COBLL1: variants seen among roughly 807,000 people sequenced by gnomAD.
COBLL1 encodes the protein cordon-bleu WH2 repeat protein like 1.
A neutral mutation model predicts 94.8 loss-of-function variants in COBLL1; 50 were observed. That is an observed-to-expected ratio of 0.53 (90% CI 0.42 to 0.67). The LOEUF (loss-of-function observed/expected upper bound fraction) is 0.67. Ranked by LOEUF, COBLL1 falls within the 30% of genes least tolerant of loss-of-function variation. COBLL1 has a pLI of 0.00. For missense variants in COBLL1, 1,362 were observed against 1,348.7 expected (o/e 1.01, Z -0.15); for synonymous variants, 448 against 473.8 (o/e 0.95, Z 0.71).
chr2:164,702,804 C>T (rs72876792), intron 9 of COBLL1, among the ~76,000 whole-genome samples: 2,488 of 151,840 alleles, frequency 0.016, 24 homozygotes, highest in South Asian at 0.027. Context: ...GCCACCATGC[C>T]CAGCCTCAAT....
intron 11 of COBLL1, chr2:164,697,658 A>G (rs1292829032): frequency 6.6e-6 from 1 of 152,046 alleles, no homozygotes; most frequent in Admixed American, 6.6e-5. Context: ...TAAAAACCCT[A>G]ATTTATTGGT....
chr2:164,704,173 T>C (rs907538851), intron 9 of COBLL1, among the ~76,000 whole-genome samples: 2 of 152,180 alleles, frequency 1.3e-5, no homozygotes, highest in Admixed American at 1.3e-4. Flanking sequence ...GTTAACCTGA[T>C]ACTGCATAAA....
chr2:164,664,983 A>G (rs1299476375), intron 2 of COBLL1, among the ~76,000 whole-genome samples: 2 of 152,140 alleles, frequency 1.3e-5, no homozygotes, highest in African/African-American at 4.8e-5. Context: ...ACATGAGAGA[A>G]TCAACAAATA....
intron 7 of COBLL1, among the ~76,000 whole-genome samples, chr2:164,714,585 T>C (rs1401734866): frequency 6.6e-6 from 1 of 152,070 alleles, no homozygotes; most frequent in Non-Finnish European, 1.5e-5. Flanking sequence ...TCAAACAAAC[T>C]GGGGCCAACT....
intron 2 of COBLL1, among the ~76,000 whole-genome samples, chr2:164,746,570 C>A (rs1241595173): frequency 6.6e-6 from 1 of 151,950 alleles, no homozygotes; most frequent in Non-Finnish European, 1.5e-5. Context: ...ACCAAATACC[C>A]CCAATAAACC....
chr2:164,678,239 T>C (rs1691370500), downstream of COBLL1, among the ~76,000 whole-genome samples: 1 of 152,136 alleles, frequency 6.6e-6, no homozygotes, highest in South Asian at 2.1e-4. Context: ...GTAATATTGG[T>C]GCAGTATACA....
chr2:164,793,992 A>T (rs1661379185), intron 2 of COBLL1, among the ~76,000 whole-genome samples: 2 of 152,226 alleles, frequency 1.3e-5, no homozygotes, highest in Admixed American at 6.5e-5. Context: ...CTTTTTACAT[A>T]AATTATTCAT....
intron 2 of COBLL1, among the ~76,000 whole-genome samples, chr2:164,839,644 C>A (rs1316762006): frequency 6.6e-6 from 1 of 152,174 alleles, no homozygotes; most frequent in African/African-American, 2.4e-5. Flanking sequence ...TAACCTAATC[C>A]ATTTCCAAAT....
At position 164,695,565 on chromosome 2, in the gene COBLL1, A is replaced by G; in HGVS notation, c.1827T>C (p.Ser609=). The change falls in exon 12 of 14, where the codon TCT becomes TCC. Residue 609 remains serine, a synonymous_variant. Coordinates refer to ENST00000652658, the MANE Select transcript of COBLL1 (RefSeq NM_001365672.2). ...GGTGTTTCCCATCAAAACTGTTACA[A>G]GAAGGGGTTGTCTGAATTGCTGCAT... is the stretch of plus-strand genomic sequence containing the variant. ...TKDAAIQTTP[S]CNSFDGKHQD... 1 of 1,613,938 alleles carries G rather than the reference A, an allele frequency of 6.2e-7. No homozygotes were observed. Among genetic ancestry groups the G allele is most frequent in the Non-Finnish European group, 8.5e-7 (1 of 1,179,920 alleles).
At position 164,694,618 on chromosome 2, in the gene COBLL1, G is replaced by A. The variant is rs139834711; in HGVS notation, c.2774C>T (p.Ser925Phe). 4,331 of 1,613,930 alleles carry A rather than the reference G, an allele frequency of 2.7e-3. 50 individuals carry two copies. The highest frequency in any genetic ancestry group is 0.023 in the East Asian group (1,018 of 44,864). ...TLSPLSKMPH[S>F]VPQPLVEKTD... ...TTTTTCAACAAGGGGTTGTGGAACA[G>A]AGTGAGGCATTTTACTTAAGGGAGA... is the stretch of plus-strand genomic sequence containing the variant. The change falls in exon 12 of 14, where the codon TCT (serine) becomes TTT (phenylalanine). Residue 925 changes from serine to phenylalanine, a missense_variant. By Grantham distance (155) the Ser-to-Phe change is radical (BLOSUM62 -2). Coordinates refer to ENST00000652658, the MANE Select transcript of COBLL1 (RefSeq NM_001365672.2).
At chr2:164,780,775 C>T (rs3820989) in intron 2 of COBLL1, among the ~76,000 whole-genome samples, 24,433 of 152,034 alleles carry the variant, frequency 0.16, 2,127 homozygotes, top group East Asian at 0.38. Context: ...ATCTGCCGGG[C>T]TAAGTGGAAA....
Position 164,805,343 on chromosome 2 carries a change from A to ATATATATATATATATATATT in COBLL1, c.41+35812_41+35813insAATATATATATATATATATA, listed in dbSNP as rs1559033732. ...TCTCTCTCTCTCTCTCTCTCTATAT[A>ATATATATATATATATATATT]TATATATATATATATATATAAAACT... On this transcript the variant is annotated intron_variant, in intron 2 of 13. Transcript: ENST00000652658. Among the ~76,000 whole-genome samples, 7 of 93,134 alleles carry ATATATATATATATATATATT rather than the reference A, an allele frequency of 7.5e-5. 1 individual carries two copies. Among genetic ancestry groups the ATATATATATATATATATATT allele is most frequent in the Non-Finnish European group, 1.5e-4 (7 of 46,052 alleles). The allele number at this position is 93,134 out of a possible 152,430, so 61.1% of individuals were successfully genotyped here.
At chr2:164,812,912 C>A (rs1373227797) in intron 2 of COBLL1, among the ~76,000 whole-genome samples, 1 of 152,034 alleles carries the variant, frequency 6.6e-6, no homozygotes, top group Admixed American at 6.6e-5. Flanking sequence ...ATGGCATAAC[C>A]AAATTCATTT....
chr2:164,748,383 CA>C (rs1210498883), intron 2 of COBLL1, among the ~76,000 whole-genome samples: 1 of 152,086 alleles, frequency 6.6e-6, no homozygotes, highest in African/African-American at 2.4e-5. Context: ...GAAGTAATAA[CA>C]AAATTGTCAC....
At chr2:164,709,854 T>C (rs1684795193) in intron 7 of COBLL1, among the ~76,000 whole-genome samples, 1 of 152,188 alleles carries the variant, frequency 6.6e-6, no homozygotes, top group Non-Finnish European at 1.5e-5. Context: ...TAAAACTTAT[T>C]AAAGTTGAGG....
At chr2:164,711,141 TGAAAAG>T (rs1290405130) in intron 7 of COBLL1, among the ~76,000 whole-genome samples, 1 of 152,068 alleles carries the variant, frequency 6.6e-6, no homozygotes, top group African/African-American at 2.4e-5. Context: ...TCCTCATTCA[TGAAAAG>T]GAAAAGTACT....
intron 2 of COBLL1, chr2:164,800,434 T>A: frequency 1.6e-6 from 1 of 642,914 alleles, no homozygotes; most frequent in Non-Finnish European, 2.8e-6. Flanking sequence ...TTGGTGAGGA[T>A]GCAGATCAAA....
chr2:164,740,955 G>A (rs536311887), intron 3 of COBLL1, among the ~76,000 whole-genome samples: 5 of 152,200 alleles, frequency 3.3e-5, no homozygotes, highest in African/African-American at 1.2e-4. Context: ...CAAAGGAAGA[G>A]CAAGAGGCAT....
chr2:164,790,528 C>T (rs886581662), intron 2 of COBLL1, among the ~76,000 whole-genome samples: 5 of 152,152 alleles, frequency 3.3e-5, no homozygotes, highest in Admixed American at 3.3e-4. Flanking sequence ...ATCTTGTTTA[C>T]ATCAATTAAC....
Sources: allele counts gnomAD v4.1 joint callset (sites outside exome capture counted in the v4.1 genomes callset), GRCh38; gene constraint gnomAD v4.1.1; transcripts MANE v1.5; gene names NCBI Gene and HGNC (gene_info 2026-07-23, HGNC 2026-07-21).